HMBOX1: variants seen among roughly 807,000 people sequenced by gnomAD.
HMBOX1 encodes the protein homeobox-containing protein 1.
HMBOX1 carries 14 observed loss-of-function variants against 54.5 expected under a neutral mutation model. The ratio of observed to expected loss-of-function variants is 0.26; its 90% confidence interval spans 0.17 to 0.40. HMBOX1 has a LOEUF of 0.40. Ranked by LOEUF, HMBOX1 falls within the 10% of genes least tolerant of loss-of-function variation. The probability of loss-of-function intolerance (pLI) is 1.00; values close to 1 mark genes in which losing one functional copy is unlikely to be tolerated. For missense variants in HMBOX1, 332 were observed against 514.4 expected, an observed-to-expected ratio of 0.65 and a Z score of 3.43; for synonymous variants, 160 against 181.0, an observed-to-expected ratio of 0.88 and a Z score of 0.93.
chr8:28,965,599 C>CTA (rs2132297915), intron 2 of HMBOX1, among the ~76,000 whole-genome samples: 1 of 152,298 alleles, frequency 6.6e-6, no homozygotes, highest in Non-Finnish European at 1.5e-5. Context: ...TTGGGAGAGG[C>CTA]TGGCTTGACC....
intron 6 of HMBOX1, among the ~76,000 whole-genome samples, chr8:29,038,739 G>GCTGCCTAA (rs985343814): frequency 6.6e-6 from 1 of 152,118 alleles, no homozygotes; most frequent in African/African-American, 2.4e-5. Context: ...CATCATCACA[G>GCTGCCTAA]CTGCCTAACT....
intron 4 of HMBOX1, among the ~76,000 whole-genome samples, chr8:29,000,242 C>A (rs1414339617): frequency 6.6e-6 from 1 of 152,190 alleles, no homozygotes; most frequent in East Asian, 1.9e-4. Context: ...TTGGGCATAC[C>A]TTTAATGCTC....
chr8:29,042,567 G>A (rs1395639103), intron 6 of HMBOX1: 2 of 448,638 alleles, frequency 4.5e-6, no homozygotes, highest in Non-Finnish European at 9.0e-6. Context: ...CAGAAATGAG[G>A]GTTCCAGTTA....
At chr8:28,977,439 G>C (rs1009269643) in intron 3 of HMBOX1, among the ~76,000 whole-genome samples, 1 of 152,034 alleles carries the variant, frequency 6.6e-6, no homozygotes, top group Admixed American at 6.5e-5. Context: ...GAAACCAAAT[G>C]ATTTGTTTTA....
chr8:28,990,796 G>A (rs945268490), intron 4 of HMBOX1, among the ~76,000 whole-genome samples: 5 of 152,064 alleles, frequency 3.3e-5, no homozygotes, highest in Admixed American at 1.3e-4. Context: ...TGGGATTACA[G>A]GTGTCTGCCA....
chr8:29,008,014 A>T (rs1195659034), intron 4 of HMBOX1, among the ~76,000 whole-genome samples: 1 of 152,152 alleles, frequency 6.6e-6, no homozygotes, highest in Admixed American at 6.5e-5. Context: ...TTACTTCATG[A>T]TAGCTACTCT....
At chr8:28,991,805 T>A (rs1011986251) in intron 4 of HMBOX1, among the ~76,000 whole-genome samples, 8 of 152,228 alleles carry the variant, frequency 5.3e-5, no homozygotes, top group African/African-American at 1.7e-4. Context: ...CATCTAGCTG[T>A]CCAAGTGAGT....
Position 29,009,073 on chromosome 8 carries a change from T to C in HMBOX1, c.588T>C (p.Gly196=), listed in dbSNP as rs1277243218. The change falls in exon 5 of 10, where the codon GGT becomes GGC. Residue 196 remains glycine (G), a splice_region_variant and synonymous_variant. Transcript: ENST00000287701. ...AAACCTATTTCTCTTTCTACATAGG[T>C]ATCAGTCAGAGCCGGATCTCTCATT... The part of the protein sequence containing the change: ...ISQAVVAQVT[G]ISQSRISHWL... 2.5e-6 allele frequency: 4 copies of C among 1,609,278 alleles called. No individual in the cohort carries two copies. The highest frequency in any genetic ancestry group is 1.1e-5 in the South Asian group (1 of 90,898).
At chr8:28,920,334 C>G (rs1026534327) in intron 1 of HMBOX1, among the ~76,000 whole-genome samples, 2 of 152,156 alleles carry the variant, frequency 1.3e-5, no homozygotes, top group African/African-American at 4.8e-5. Context: ...GTGAATAATA[C>G]AATTGGTCAT....
intron 1 of HMBOX1, among the ~76,000 whole-genome samples, chr8:28,894,358 C>A (rs1811649638): frequency 6.6e-6 from 1 of 152,108 alleles, no homozygotes; most frequent in Non-Finnish European, 1.5e-5. Flanking sequence ...AAGAAAGAAT[C>A]TGAGCCACAA....
chr8:28,927,344 A>G (rs1388496164), intron 1 of HMBOX1, among the ~76,000 whole-genome samples: 1 of 152,222 alleles, frequency 6.6e-6, no homozygotes, highest in African/African-American at 2.4e-5. Flanking sequence ...TTGTGTTACT[A>G]TAAAGGGATA....
chr8:28,926,685 A>G (rs1279259759), intron 1 of HMBOX1, among the ~76,000 whole-genome samples: 2 of 152,136 alleles, frequency 1.3e-5, no homozygotes, highest in Admixed American at 6.5e-5. Context: ...CTCCTGCCTC[A>G]GCTTCCTAAG....
chr8:28,898,385 T>G (rs1812572222), intron 1 of HMBOX1, among the ~76,000 whole-genome samples: 2 of 152,218 alleles, frequency 1.3e-5, no homozygotes, highest in South Asian at 4.1e-4. Flanking sequence ...TTTTTCCTCC[T>G]TGGATTTATG....
intron 8 of HMBOX1, chr8:29,048,468 G>A (rs772427938): frequency 1.3e-5 from 2 of 152,268 alleles, no homozygotes; most frequent in Non-Finnish European, 2.9e-5. Flanking sequence ...TTAAGTTGGT[G>A]AGTCAGGTGG....
intron 6 of HMBOX1, among the ~76,000 whole-genome samples, chr8:29,034,416 A>G (rs748271578): frequency 5.3e-5 from 8 of 152,380 alleles, no homozygotes; most frequent in Non-Finnish European, 1.0e-4. Context: ...TAGGTTTGTC[A>G]TCAAAATATT....
intron 6 of HMBOX1, among the ~76,000 whole-genome samples, chr8:29,041,723 A>G (rs940099290): frequency 6.6e-6 from 1 of 152,156 alleles, no homozygotes; most frequent in Non-Finnish European, 1.5e-5. Flanking sequence ...TGCAAGAGAA[A>G]GGCACAGAGA....
intron 1 of HMBOX1, among the ~76,000 whole-genome samples, chr8:28,903,498 C>T (rs1237771089): frequency 6.6e-6 from 1 of 152,032 alleles, no homozygotes. Flanking sequence ...CCTTTTTTTT[C>T]TCCCTTTGCT....
At chr8:28,890,777 A>AGTGAGCGGACGCTGGGGATGGGTCTC in intron 1 of HMBOX1, 99 bp downstream of exon 1, 1 of 152,538 alleles carries the variant, frequency 6.6e-6, no homozygotes, top group Non-Finnish European at 1.5e-5. Context: ...TTGGGGAGGA[A>AGTGAGCGGACGCTGGGGATGGGTCTC]GTGAGCGGAC....
chr8:28,919,553 C>T (rs1817180962), intron 1 of HMBOX1, among the ~76,000 whole-genome samples: 1 of 152,128 alleles, frequency 6.6e-6, no homozygotes, highest in South Asian at 2.1e-4. Flanking sequence ...TTTCAATAAA[C>T]AATACAGTGG....
Sources: gnomAD v4.1 joint callset for allele counts (sites outside exome capture counted in the v4.1 genomes callset) on GRCh38, gnomAD v4.1.1 for gene constraint, MANE v1.5 for transcripts, NCBI Gene and HGNC (gene_info 2026-07-23, HGNC 2026-07-21) for gene names.